Variants in TRIM63 observed in about 807,000 individuals in gnomAD.
TRIM63 encodes E3 ubiquitin-protein ligase TRIM63.
A neutral mutation model predicts 46.0 loss-of-function variants in TRIM63; 48 were observed. The ratio of observed to expected loss-of-function variants is 1.04; its 90% CI spans 0.83 to 1.33. The LOEUF is 1.33. Ranked by LOEUF, TRIM63 falls within the 40% of genes most tolerant of loss-of-function variation. The pLI is 0.00. For missense variants in TRIM63, 455 were observed against 441.2 expected (o/e 1.03, Z -0.28); for synonymous variants, 175 against 162.8 (o/e 1.08, Z -0.57).
At position 26,051,849 on chromosome 1, in the gene TRIM63, G is replaced by A. The variant is rs755168090; in HGVS notation, c.*24C>T. On this transcript the variant is annotated 3_prime_UTR_variant, in exon 9 of 9. Transcript: ENST00000374272. ...ACCCTCTCCAGTCTCTCTGCATCTG[G>A]GGGCCTCTCATTCATCCAGCTCCTT... The A allele has an allele frequency of 7.5e-7, 1 of 1,341,672 alleles. No individual in the cohort carries two copies. Among genetic ancestry groups the A allele is most frequent in the Admixed American group, 3.0e-5 (1 of 33,446 alleles). The allele number at this position is 1,341,672 out of a possible 1,614,324, so 83.1% of individuals were successfully genotyped here.
At position 26,058,876 on chromosome 1, in the gene TRIM63, G is replaced by T. The variant is rs1056614516; in HGVS notation, c.598-253C>A. Among the ~76,000 whole-genome samples the T allele has an allele frequency of 6.6e-5, 10 of 152,162 alleles. No homozygotes were observed. In the East Asian group the frequency reaches 1.3e-3, roughly 21 times the overall value. On this transcript the variant is annotated intron_variant, in intron 4 of 8. Coordinates refer to ENST00000374272, the MANE Select transcript of TRIM63 (RefSeq NM_032588.4). Reference sequence around the variant, plus strand: ...GCTAGCCCCTTCTTCCAAAATAGAGGCTCTAGGGTCACATGACACAACATG... The same window carrying T: ...GCTAGCCCCTTCTTCCAAAATAGAGTCTCTAGGGTCACATGACACAACATG...
chr1:26,059,173 C>T (rs757619741), intron 4 of TRIM63, among the ~76,000 whole-genome samples: 63 of 152,046 alleles, frequency 4.1e-4, no homozygotes, highest in Middle Eastern at 6.3e-3. Flanking sequence ...TATAGATACG[C>T]TACCACGCCT....
chr1:26,059,892 C>T (rs187751524), intron 4 of TRIM63, among the ~76,000 whole-genome samples: 4 of 152,208 alleles, frequency 2.6e-5, no homozygotes, highest in South Asian at 4.1e-4. Context: ...ATGATCCCAG[C>T]GTAATTTTCA....
At position 26,066,258 on chromosome 1, in the gene TRIM63, G is replaced by A. The variant is rs1161727791; in HGVS notation, c.332+10C>T. On this transcript the variant is annotated intron_variant, in intron 2 of 8. Transcript: ENST00000374272. ...AGGAGGGCGGGCCCCCAGCAGGCAC[G>A]AGAACCGACCTGGAGCACTCCTGTT... 1.2e-5 allele frequency: 19 copies of A among 1,613,824 alleles called. No homozygotes were observed. Among genetic ancestry groups the A allele is most frequent in the Admixed American group, 5.0e-5 (3 of 60,014 alleles).
chr1:26,059,114 T>C (rs1250859690), intron 4 of TRIM63, among the ~76,000 whole-genome samples: 2 of 138,250 alleles, frequency 1.4e-5, no homozygotes, highest in African/African-American at 5.4e-5. Context: ...AACCTCCACC[T>C]CCCAGGTTCA....
chr1:26,062,319 G>C (rs1349210418), intron 2 of TRIM63, among the ~76,000 whole-genome samples: 1 of 151,146 alleles, frequency 6.6e-6, no homozygotes, highest in South Asian at 2.1e-4. Flanking sequence ...TTAATAACTA[G>C]CATAGGAATC....
chr1:26,057,605 A>G, intron 6 of TRIM63, 23 bp downstream of exon 6: 2 of 1,608,516 alleles, frequency 1.2e-6, no homozygotes, highest in African/African-American at 1.3e-5. Flanking sequence ...TGCTTGGATC[A>G]TAGCCTCTAG....
rs1171740009 is a variant in TRIM63 at position 26,065,275 on chromosome 1, T to C, written c.332+993A>G. On this transcript the variant is annotated intron_variant, in intron 2 of 8. Coordinates refer to ENST00000374272, the MANE Select transcript of TRIM63 (RefSeq NM_032588.4). ...CTGACCTCGAATGATCCACACACCTTGGCCTCCCAAAGTGCTGGGATTACA... is the reference window on the plus strand; with the variant it reads ...CTGACCTCGAATGATCCACACACCTCGGCCTCCCAAAGTGCTGGGATTACA... Among the ~76,000 whole-genome samples the C allele has an allele frequency of 6.6e-5, 10 of 152,126 alleles. No individual in the cohort carries two copies. The East Asian group carries it at 1.7e-3, about 27-fold the overall frequency.
In TRIM63 at chr1:26,066,314, G is replaced by T; in HGVS notation, c.286C>A (p.Leu96Met). Residue 96 changes from leucine to methionine, a missense_variant, in exon 2 of 9, where the codon CTG becomes ATG. Leu to Met is a conservative substitution (Grantham distance 15, BLOSUM62 2). Coordinates refer to ENST00000374272, the MANE Select transcript of TRIM63 (RefSeq NM_032588.4). ...RHGVYGLQRN[L>M]LVENIIDIYK... ...ATGTCGATGATGTTCTCCACCAGCA[G>T]GTTCCTCTGCAGGCCGTACACTCCG... 1 of 1,614,126 alleles carries T rather than the reference G, an allele frequency of 6.2e-7. No individual in the cohort carries two copies. The highest frequency in any genetic ancestry group is 8.5e-7 in the Non-Finnish European group (1 of 1,180,030).
At position 26,057,616 on chromosome 1, in the gene TRIM63, G is replaced by A. The variant is rs1270609671; in HGVS notation, c.854+12C>T. ...TAGGTGCTTGGATCATAGCCTCTAG[G>A]AAGACACTGACCTTTTGATGAGTTG... On this transcript the variant is annotated intron_variant, in intron 6 of 8. Transcript: ENST00000374272. 1.2e-6 allele frequency: 2 copies of A among 1,610,214 alleles called. No individual in the cohort carries two copies. The highest frequency in any genetic ancestry group is 2.2e-5 in the East Asian group (1 of 44,828).
At chr1:26,062,483 C>T (rs2050635190) in intron 2 of TRIM63, among the ~76,000 whole-genome samples, 1 of 152,188 alleles carries the variant, frequency 6.6e-6, no homozygotes, top group African/African-American at 2.4e-5. Context: ...CTCTGACCCT[C>T]TCTGAGCCAT....
At chr1:26,067,198 G>T in intron 1 of TRIM63, 138 bp downstream of exon 1, 1 of 1,095,992 alleles carries the variant, frequency 9.1e-7, no homozygotes, top group Non-Finnish European at 1.3e-6. Flanking sequence ...TCTCAGCCCT[G>T]TCCAGAGGCC....
Position 26,067,566 on chromosome 1 carries a change from C to T in TRIM63, c.-72G>A. The T allele has an allele frequency of 6.5e-7, 1 of 1,543,012 alleles. No individual in the cohort carries two copies. The highest frequency in any genetic ancestry group is 1.2e-5 in the South Asian group (1 of 83,072). ...CTTTGCTCTAAGTAGACCTGGGGGT[C>T]TTGCCTTTGTCACAAAACACCGGGT... On this transcript the variant is annotated 5_prime_UTR_variant, in exon 1 of 9. Coordinates refer to ENST00000374272, the MANE Select transcript of TRIM63 (RefSeq NM_032588.4).
At chr1:26,058,274 C>T in intron 5 of TRIM63, 116 bp downstream of exon 5, 2 of 841,780 alleles carry the variant, frequency 2.4e-6, no homozygotes, top group Non-Finnish European at 3.8e-6. Flanking sequence ...CTGAGGCTCA[C>T]AGAGGTTTAA....
chr1:26,053,967 G>A lies in TRIM63; in HGVS notation c.980-3C>T. 1 of 1,577,450 alleles carries A rather than the reference G, an allele frequency of 6.3e-7. No individual in the cohort carries two copies. Among genetic ancestry groups the A allele is most frequent in the Admixed American group, 2.0e-5 (1 of 49,444 alleles). ...AATGAATTCTTCCTCTTCCTCATCT[G>A]TGACAAAAAAACATTTGTGTTAGGA... On this transcript the variant is annotated splice_region_variant and splice_polypyrimidine_tract_variant and intron_variant, in intron 7 of 8. Coordinates refer to ENST00000374272, the MANE Select transcript of TRIM63 (RefSeq NM_032588.4).
intron 5 of TRIM63, 34 bp from the exon 6 acceptor site, chr1:26,057,684 G>T: frequency 6.3e-7 from 1 of 1,586,982 alleles, no homozygotes. Flanking sequence ...GATTAGGACC[G>T]CAGAAGAGGT....
rs1476655618 is a variant in TRIM63 at position 26,054,729 on chromosome 1, G to C, written c.980-765C>G. On this transcript the variant is annotated intron_variant, in intron 7 of 8. Coordinates refer to ENST00000374272, the MANE Select transcript of TRIM63 (RefSeq NM_032588.4). ...CACCTGTAATCCCAGCACTTTGGGA[G>C]GCTGAGGCGGTCAGATCACCTGAGG... 2.6e-5 allele frequency among the ~76,000 whole-genome samples: 4 copies of C among 152,124 alleles called. No homozygotes were observed. The East Asian group carries it at 7.7e-4, about 29-fold the overall frequency.
chr1:26,063,417 A>C (rs2050645682), intron 2 of TRIM63, among the ~76,000 whole-genome samples: 1 of 152,126 alleles, frequency 6.6e-6, no homozygotes, highest in African/African-American at 2.4e-5. Flanking sequence ...CCTGGGCTCT[A>C]TTGTCCTCTG....
chr1:26,052,735 A>G (rs922887815), intron 8 of TRIM63, among the ~76,000 whole-genome samples: 2 of 151,658 alleles, frequency 1.3e-5, no homozygotes, highest in South Asian at 4.2e-4. Flanking sequence ...CCAAAGTGCT[A>G]GGATTACAGG....
Sources: gnomAD v4.1 joint callset for allele counts (sites outside exome capture counted in the v4.1 genomes callset) on GRCh38, gnomAD v4.1.1 for gene constraint, MANE v1.5 for transcripts, NCBI Gene and HGNC (gene_info 2026-07-23, HGNC 2026-07-21) for gene names.